APLP2: variants seen among roughly 807,000 people sequenced by gnomAD.
APLP2 encodes the protein CDEI box-binding protein.
Under a neutral mutation model 89.9 loss-of-function variants are expected in APLP2, and 53 were observed. The ratio of observed to expected loss-of-function variants is 0.59; its 90% CI spans 0.47 to 0.74. APLP2 has a LOEUF of 0.74. APLP2 is among the 30% of genes least tolerant of loss of function. APLP2 has a pLI of 0.00. For synonymous variants in APLP2, 372 were observed against 348.6 expected (o/e 1.07, Z -0.75); for missense variants, 973 against 975.9 (o/e 1.00, Z 0.04).
chr11:130,070,689 G>A (rs895615147), intron 1 of APLP2: 3 of 1,477,770 alleles, frequency 2.0e-6, no homozygotes, highest in African/African-American at 2.9e-5. Flanking sequence ...GGTCGCGGAC[G>A]CGCATTTTTT....
chr11:130,120,607 G>T (rs1279375632), intron 3 of APLP2, 99 bp from the exon 4 acceptor site: 12 of 821,794 alleles, frequency 1.5e-5, no homozygotes, highest in Admixed American at 5.8e-5. Flanking sequence ...ACATGAGACT[G>T]CTCCTGGCTG....
At chr11:130,122,199 T>C in intron 5 of APLP2, 106 bp from the exon 6 acceptor site, 1 of 1,345,902 alleles carries the variant, frequency 7.4e-7, no homozygotes, top group East Asian at 2.3e-5. Context: ...TGCGTTGAGC[T>C]TATTTCCTGC....
chr11:130,091,533 G>A (rs9667477), intron 1 of APLP2, among the ~76,000 whole-genome samples: 16 of 128,418 alleles, frequency 1.2e-4, no homozygotes, highest in Admixed American at 3.8e-4. Context: ...GCGGCTGGCC[G>A]GGCGGGGGGC....
At position 130,123,396 on chromosome 11, in the gene APLP2, A is replaced by G. The variant is rs945228175; in HGVS notation, c.923-216A>G. 6.6e-6 allele frequency among the ~76,000 whole-genome samples: 1 copy of G among 152,230 alleles called. No homozygotes were observed. Among genetic ancestry groups the G allele is most frequent in the African/African-American group, 2.4e-5 (1 of 41,464 alleles). ...CTAGACTCCAGAGGGTGCCAAAAAA[A>G]TATTTATCCCAGTTCCTAAATGTCT... On this transcript the variant is annotated intron_variant, in intron 6 of 16. Transcript: ENST00000338167. This position sits in a 1 kb window ranked among gnomAD's most constrained non-coding sequence, Gnocchi z 4.0.
intron 1 of APLP2, among the ~76,000 whole-genome samples, chr11:130,096,290 C>T (rs1254679594): frequency 6.6e-6 from 1 of 152,096 alleles, no homozygotes; most frequent in Non-Finnish European, 1.5e-5. Context: ...TCATGGTGGG[C>T]CTTGCAAGCC....
At chr11:130,085,924 C>T (rs1944042470) in intron 1 of APLP2, among the ~76,000 whole-genome samples, 1 of 152,198 alleles carries the variant, frequency 6.6e-6, no homozygotes, top group South Asian at 2.1e-4. Flanking sequence ...ATATATACCA[C>T]ATTTTGTTCA....
intron 3 of APLP2, among the ~76,000 whole-genome samples, chr11:130,116,713 C>G (rs373871267): frequency 1.3e-5 from 2 of 152,046 alleles, no homozygotes; most frequent in East Asian, 3.9e-4. Flanking sequence ...CTCAAGTGAT[C>G]CACCTGCCTC....
chr11:130,083,021 C>CTTTTT lies in APLP2; in HGVS notation c.105+12943_105+12944insTTTTT, dbSNP rs1469566240. 1.1e-3 allele frequency among the ~76,000 whole-genome samples: 90 copies of CTTTTT among 79,956 alleles called. 1 individual carries two copies. Among genetic ancestry groups the CTTTTT allele is most frequent in the East Asian group, 5.0e-3 (10 of 1,990 alleles). 52.5% of individuals were successfully genotyped at this position (79,956 alleles called of 152,430 possible). A position where few individuals can be genotyped will look rare whatever the true frequency, so the allele number is the denominator to read the frequency against. ...AAATATATTAACCACTGAAACTTTT[C>CTTTTT]TTTTCTTTTTTTTTTTTTTTTTTTT... On this transcript the variant is annotated intron_variant, in intron 1 of 16. Transcript: ENST00000338167.
At chr11:130,101,316 C>G (rs1396534699) in intron 1 of APLP2, 1 of 152,180 alleles carries the variant, frequency 6.6e-6, no homozygotes, top group Non-Finnish European at 1.5e-5. Flanking sequence ...GTAGCTGGGA[C>G]TACAGGTGCC....
chr11:130,080,384 T>C (rs1375921743), intron 1 of APLP2, among the ~76,000 whole-genome samples: 1 of 152,008 alleles, frequency 6.6e-6, no homozygotes, highest in Non-Finnish European at 1.5e-5. Context: ...TTTGTATTTT[T>C]AGTTGAGATG....
chr11:130,107,377 A>G (rs1281139535), intron 1 of APLP2, among the ~76,000 whole-genome samples: 1 of 152,174 alleles, frequency 6.6e-6, no homozygotes, highest in East Asian at 1.9e-4. Context: ...AAGTCTCAGG[A>G]TACAAAATCA....
chr11:130,132,474 G>T (rs1026256835), intron 11 of APLP2, among the ~76,000 whole-genome samples: 1 of 152,104 alleles, frequency 6.6e-6, no homozygotes, highest in South Asian at 2.1e-4. Context: ...ACCAGGCGGG[G>T]ATGACTTAGC....
At chr11:130,089,421 A>G (rs1944577947) in intron 1 of APLP2, among the ~76,000 whole-genome samples, 1 of 152,160 alleles carries the variant, frequency 6.6e-6, no homozygotes, top group Admixed American at 6.5e-5. Flanking sequence ...TCCTGTGCCA[A>G]GTCCGTGCAT....
At chr11:130,111,832 A>G (rs538565409) in intron 3 of APLP2, among the ~76,000 whole-genome samples, 1 of 152,316 alleles carries the variant, frequency 6.6e-6, no homozygotes, top group South Asian at 2.1e-4. Flanking sequence ...TCGTTAAAAA[A>G]GTTCTCAAAC....
intron 3 of APLP2, among the ~76,000 whole-genome samples, chr11:130,117,667 T>C (rs1949350334): frequency 6.6e-6 from 1 of 152,218 alleles, no homozygotes; most frequent in Non-Finnish European, 1.5e-5. Flanking sequence ...ACAATGTTTT[T>C]GTGTTTTAAA....
chr11:130,089,552 G>T (rs902428025), intron 1 of APLP2, among the ~76,000 whole-genome samples: 1 of 152,198 alleles, frequency 6.6e-6, no homozygotes, highest in Admixed American at 6.5e-5. Flanking sequence ...CTGTCTCAGA[G>T]TATATATGCT....
At chr11:130,088,376 C>G (rs1488316975) in intron 1 of APLP2, among the ~76,000 whole-genome samples, 2 of 151,936 alleles carry the variant, frequency 1.3e-5, no homozygotes, top group African/African-American at 4.8e-5. Context: ...TAACAGACCT[C>G]TGAAGAGTCT....
chr11:130,126,755 A>C lies in APLP2; in HGVS notation c.1146A>C (p.Ala382=). 6.8e-6 allele frequency: 11 copies of C among 1,614,234 alleles called. No homozygotes were observed. Among genetic ancestry groups the C allele is most frequent in the Non-Finnish European group, 9.3e-6 (11 of 1,180,040 alleles). Residue 382 remains alanine, a synonymous_variant, in exon 8 of 17, where the codon GCA becomes GCC. Transcript: ENST00000338167. ...TTGATGTGTATTTCGAGACCTCTGC[A>C]GATGATAATGAGCATGCTCGCTTCC... is the stretch of plus-strand genomic sequence containing the variant. ...NDVDVYFETS[A]DDNEHARFQK...
intron 1 of APLP2, among the ~76,000 whole-genome samples, chr11:130,091,552 C>G (rs1407127005): frequency 3.5e-5 from 5 of 143,962 alleles, no homozygotes; most frequent in Admixed American, 6.7e-5. Flanking sequence ...GCTGACCCCC[C>G]CACCTCCCTC....
Sources: allele counts gnomAD v4.1 joint callset (sites outside exome capture counted in the v4.1 genomes callset), GRCh38; gene constraint gnomAD v4.1.1; non-coding constraint Gnocchi (gnomAD v3.1); transcripts MANE v1.5; gene names NCBI Gene and HGNC (gene_info 2026-07-23, HGNC 2026-07-21).